Variants in N4BP2L2 observed in about 807,000 individuals in gnomAD.
N4BP2L2 encodes the protein NEDD4-binding protein 2-like 2.
Under a neutral mutation model 56.2 loss-of-function variants are expected in N4BP2L2, and 50 were observed. That is an observed-to-expected ratio of 0.89 (90% CI 0.71 to 1.13). The LOEUF (loss-of-function observed/expected upper bound fraction) is 1.13. Among genes scored for constraint, N4BP2L2 ranks in the 50% most tolerant of loss-of-function variants. The pLI, the probability that N4BP2L2 is intolerant of heterozygous loss-of-function variation, is 0.00. For synonymous variants in N4BP2L2, 203 were observed against 223.6 expected (o/e 0.91, Z 0.82); for missense variants, 689 against 693.8 (o/e 0.99, Z 0.08).
chr13:32,490,925 C>CTTAT (rs2086920853), intron 6 of N4BP2L2, among the ~76,000 whole-genome samples: 1 of 151,030 alleles, frequency 6.6e-6, no homozygotes, highest in South Asian at 2.1e-4. Context: ...GGATCCCTGA[C>CTTAT]TTACACAAAT....
chr13:32,513,156 C>CTTT (rs1222144585), exon 6 of N4BP2L2: 2 of 152,136 alleles, frequency 1.3e-5, no homozygotes, highest in Non-Finnish European at 2.9e-5. Context: ...TGTAGCCATT[C>CTTT]TTTTACATGT....
intron 6 of N4BP2L2, among the ~76,000 whole-genome samples, chr13:32,475,883 A>G (rs2083232916): frequency 1.3e-5 from 2 of 152,154 alleles, no homozygotes; most frequent in African/African-American, 4.8e-5. Flanking sequence ...GCAAAGGGAG[A>G]AGAAAAATAC....
At chr13:32,520,888 A>T (rs2050699650) in intron 5 of N4BP2L2, among the ~76,000 whole-genome samples, 1 of 152,100 alleles carries the variant, frequency 6.6e-6, no homozygotes, top group Admixed American at 6.5e-5. Flanking sequence ...AGAACAACTT[A>T]CTCAGAATTG....
intron 6 of N4BP2L2, chr13:32,480,549 C>T (rs754471457): frequency 1.8e-5 from 20 of 1,090,266 alleles, no homozygotes; most frequent in South Asian, 8.1e-5. Context: ...GAAAATCAGA[C>T]GCTAGATCCA....
At chr13:32,520,352 A>T (rs1315350139) in intron 5 of N4BP2L2, among the ~76,000 whole-genome samples, 2 of 142,106 alleles carry the variant, frequency 1.4e-5, no homozygotes, top group Non-Finnish European at 3.2e-5. Context: ...GAAGACGATA[A>T]AAGTTAAAAA....
At chr13:32,477,021 C>T (rs1010467889) in intron 6 of N4BP2L2, among the ~76,000 whole-genome samples, 3 of 152,150 alleles carry the variant, frequency 2.0e-5, no homozygotes, top group Non-Finnish European at 4.4e-5. Context: ...AACTATCATA[C>T]GATTGTGAGC....
chr13:32,528,470 CT>C (rs956505832), intron 2 of N4BP2L2, among the ~76,000 whole-genome samples: 27 of 152,256 alleles, frequency 1.8e-4, no homozygotes, highest in African/African-American at 6.0e-4. Context: ...GATAATCAAG[CT>C]TTGTTTTGAA....
At chr13:32,450,077 C>T (rs1233773573) in intron 6 of N4BP2L2, among the ~76,000 whole-genome samples, 3 of 152,068 alleles carry the variant, frequency 2.0e-5, no homozygotes, top group Admixed American at 1.3e-4. Context: ...ACACCACATC[C>T]AACAATTGGT....
chr13:32,435,647 A>G (rs1277118878), intron 9 of N4BP2L2, among the ~76,000 whole-genome samples: 3 of 152,188 alleles, frequency 2.0e-5, no homozygotes, highest in Non-Finnish European at 4.4e-5. Flanking sequence ...GGCCCCTGCA[A>G]ATCTCTAAAC....
intron 6 of N4BP2L2, chr13:32,480,709 A>G: frequency 1.1e-6 from 1 of 920,338 alleles, no homozygotes; most frequent in East Asian, 6.2e-5. Context: ...CATCTTGTTC[A>G]AATCCACAAC....
At chr13:32,481,118 C>CAAAAAAAAAAAAAAAAAAAAA (rs60854435) in intron 6 of N4BP2L2, among the ~76,000 whole-genome samples, 5 of 20,714 alleles carry the variant, frequency 2.4e-4, no homozygotes, top group African/African-American at 9.2e-4. Context: ...GACTCTGTCT[C>CAAAAAAAAAAAAAAAAAAAAA]AAAAAAAAAA....
intron 2 of N4BP2L2, 105 bp downstream of exon 2, chr13:32,535,664 A>G (rs2056374196): frequency 1.0e-5 from 13 of 1,294,044 alleles, no homozygotes; most frequent in Non-Finnish European, 1.4e-5. Context: ...CTGGCCTCCC[A>G]AAGTGTTGGG....
exon 6 of N4BP2L2, chr13:32,516,970 C>A (rs1197992146): frequency 1.0e-6 from 1 of 977,762 alleles, no homozygotes; most frequent in Non-Finnish European, 1.2e-6. Flanking sequence ...ATAATTTGCT[C>A]TACAGAAAAA....
At chr13:32,521,403 C>G (rs527529449) in exon 5 of N4BP2L2, 13 of 1,612,836 alleles carry the variant, frequency 8.1e-6, no homozygotes, top group Admixed American at 1.7e-5. Context: ...AAATTTCCAC[C>G]AAGTTTCAGG....
chr13:32,488,760 A>T (rs1321297283), intron 6 of N4BP2L2, among the ~76,000 whole-genome samples: 1 of 152,168 alleles, frequency 6.6e-6, no homozygotes, highest in Non-Finnish European at 1.5e-5. Context: ...CTACTTTTGT[A>T]ATAGAAAAAA....
intron 6 of N4BP2L2, among the ~76,000 whole-genome samples, chr13:32,482,013 G>A (rs548130349): frequency 2.8e-4 from 42 of 152,256 alleles, no homozygotes; most frequent in Middle Eastern, 3.4e-3. Flanking sequence ...ATATCTTCCA[G>A]GGTGTATGGT....
chr13:32,538,797 G>A (rs1418622729), upstream of N4BP2L2: 4 of 985,312 alleles, frequency 4.1e-6, no homozygotes, highest in African/African-American at 7.0e-5. Context: ...CAAGATGGCG[G>A]TCACCTCTCG....
chr13:32,504,726 C>A (rs2090623693), intron 6 of N4BP2L2: 1 of 152,162 alleles, frequency 6.6e-6, no homozygotes, highest in Non-Finnish European at 1.5e-5. Flanking sequence ...AGCCCCAAAT[C>A]TCATCTAAAT....
At chr13:32,517,254 T>G (rs2049441008) in exon 6 of N4BP2L2, 1 of 986,196 alleles carries the variant, frequency 1.0e-6, no homozygotes, top group Non-Finnish European at 1.2e-6. Context: ...TATCTAACAT[T>G]TGCTGGGGAA....
Sources: allele counts gnomAD v4.1 joint callset (sites outside exome capture counted in the v4.1 genomes callset), GRCh38; gene constraint gnomAD v4.1.1; transcripts MANE v1.5; gene names NCBI Gene and HGNC (gene_info 2026-07-23, HGNC 2026-07-21).